The following CDH4 variants were observed in gnomAD, a reference collection of about 807,000 sequenced individuals.
The protein encoded by CDH4 is cadherin 4.
Under a neutral mutation model 86.0 loss-of-function variants are expected in CDH4, and 33 were observed. The observed-to-expected ratio is 0.38, with a 90% confidence interval of 0.29 to 0.51. The LOEUF is 0.51. CDH4 is among the 20% of genes least tolerant of loss of function. The probability of loss-of-function intolerance (pLI) is 0.86; values close to 1 mark genes in which losing one functional copy is unlikely to be tolerated. For synonymous variants in CDH4, 555 were observed against 549.4 expected, an observed-to-expected ratio of 1.01 and a Z score of -0.14; for missense variants, 1,114 against 1,307.4, an observed-to-expected ratio of 0.85 and a Z score of 2.28.
chr20:61,428,656 G>T (rs568727944), intron 2 of CDH4, among the ~76,000 whole-genome samples: 2 of 152,166 alleles, frequency 1.3e-5, no homozygotes, highest in African/African-American at 2.4e-5. Flanking sequence ...GGAAGGTGCC[G>T]GGATGGGCGT....
chr20:61,587,871 A>G (rs1047570455), intron 2 of CDH4, among the ~76,000 whole-genome samples: 5 of 152,170 alleles, frequency 3.3e-5, no homozygotes, highest in Admixed American at 6.5e-5. Context: ...AGTTCAAGCG[A>G]TAATCCCCCA....
intron 2 of CDH4, among the ~76,000 whole-genome samples, chr20:61,649,347 C>T (rs1304072480): frequency 6.6e-6 from 1 of 152,254 alleles, no homozygotes; most frequent in African/African-American, 2.4e-5. Flanking sequence ...GCTCCGCTGC[C>T]TGGGGCCGTG....
intron 2 of CDH4, among the ~76,000 whole-genome samples, chr20:61,362,194 C>T (rs2084787020): frequency 6.6e-6 from 1 of 152,020 alleles, no homozygotes. Flanking sequence ...GGGGGCACAG[C>T]AAGTGCAAAG....
chr20:61,285,556 T>C (rs1002978835), intron 2 of CDH4, among the ~76,000 whole-genome samples: 1 of 152,236 alleles, frequency 6.6e-6, no homozygotes, highest in Non-Finnish European at 1.5e-5. Context: ...GGAGCATTTT[T>C]TGCCGGGCAG....
intron 2 of CDH4, among the ~76,000 whole-genome samples, chr20:61,525,047 T>C (rs1411528072): frequency 6.6e-6 from 1 of 152,164 alleles, no homozygotes; most frequent in African/African-American, 2.4e-5. Flanking sequence ...AAGTCAGAAA[T>C]TATGCGGGGC....
At chr20:61,633,280 C>T (rs543342888) in intron 2 of CDH4, among the ~76,000 whole-genome samples, 2 of 151,482 alleles carry the variant, frequency 1.3e-5, no homozygotes, top group Admixed American at 6.6e-5. Flanking sequence ...TACCCATCCA[C>T]TCATGCATCC....
At chr20:61,461,807 C>G (rs1347283045) in intron 2 of CDH4, among the ~76,000 whole-genome samples, 2 of 152,216 alleles carry the variant, frequency 1.3e-5, no homozygotes, top group Non-Finnish European at 2.9e-5. Flanking sequence ...CACCGTGTCT[C>G]TTTACACTTG....
intron 6 of CDH4, among the ~76,000 whole-genome samples, chr20:61,853,953 A>G (rs1982863972): frequency 6.6e-6 from 1 of 152,186 alleles, no homozygotes; most frequent in Non-Finnish European, 1.5e-5. Flanking sequence ...GTAAATGTGA[A>G]GTTCAGAGAG....
At chr20:61,904,454 C>T (rs1471590084) in intron 8 of CDH4, among the ~76,000 whole-genome samples, 1 of 152,160 alleles carries the variant, frequency 6.6e-6, no homozygotes, top group Non-Finnish European at 1.5e-5. Context: ...AAACACCTGC[C>T]TGGGCTGGAG....
At chr20:61,287,483 G>GA (rs2084299643) in intron 2 of CDH4, among the ~76,000 whole-genome samples, 1 of 152,026 alleles carries the variant, frequency 6.6e-6, no homozygotes, top group African/African-American at 2.4e-5. Flanking sequence ...TCAAGAAGAA[G>GA]AAAAAAGAGT....
intron 7 of CDH4, among the ~76,000 whole-genome samples, chr20:61,890,597 T>G (rs1984779231): frequency 6.7e-6 from 1 of 149,820 alleles, no homozygotes; most frequent in Non-Finnish European, 1.5e-5. Context: ...GATGGGTAAA[T>G]GATGGATGGA....
At chr20:61,734,448 C>T (rs1377424783) in intron 2 of CDH4, among the ~76,000 whole-genome samples, 4 of 152,202 alleles carry the variant, frequency 2.6e-5, no homozygotes, top group African/African-American at 7.2e-5. Context: ...AGAAAAGCAC[C>T]GTGGCAGTGC....
intron 2 of CDH4, among the ~76,000 whole-genome samples, chr20:61,733,532 G>A (rs908857972): frequency 6.6e-5 from 10 of 152,106 alleles, no homozygotes; most frequent in African/African-American, 2.2e-4. Flanking sequence ...CAGTGACTTT[G>A]TTCGTGGGCC....
At chr20:61,486,097 G>T (rs1036123401) in intron 2 of CDH4, among the ~76,000 whole-genome samples, 9 of 152,186 alleles carry the variant, frequency 5.9e-5, no homozygotes, top group Non-Finnish European at 1.2e-4. Context: ...AGACTTCCAG[G>T]ATATCACGAG....
intron 2 of CDH4, among the ~76,000 whole-genome samples, chr20:61,456,073 G>A (rs2085405333): frequency 6.6e-6 from 1 of 152,062 alleles, no homozygotes; most frequent in African/African-American, 2.4e-5. Flanking sequence ...GAGGGATGGA[G>A]AGAAGGAAGG....
intron 2 of CDH4, among the ~76,000 whole-genome samples, chr20:61,428,782 A>G (rs1016368162): frequency 1.2e-4 from 18 of 152,302 alleles, no homozygotes; most frequent in African/African-American, 3.6e-4. Flanking sequence ...TCATATGTAT[A>G]TGTATACTTT....
At chr20:61,773,284 G>A (rs1047480865) in intron 4 of CDH4, 102 bp downstream of exon 4, 1 of 1,171,714 alleles carries the variant, frequency 8.5e-7, no homozygotes, top group South Asian at 1.7e-5. Flanking sequence ...TTTGGTGTCT[G>A]AGAAGGTCGC....
intron 2 of CDH4, among the ~76,000 whole-genome samples, chr20:61,716,157 T>C (rs372303187): frequency 1.3e-5 from 2 of 150,680 alleles, no homozygotes; most frequent in African/African-American, 4.9e-5. Context: ...AAGGGGTAGA[T>C]GCTCCTCACC....
rs1195705725 is a variant in CDH4, at chr20:61,254,948, G to T, written c.169+11G>T. 1 of 1,457,646 alleles carries T rather than the reference G, an allele frequency of 6.9e-7. No individual in the cohort carries two copies. Among genetic ancestry groups the T allele is most frequent in the Non-Finnish European group, 9.6e-7 (1 of 1,037,228 alleles). 90.3% of individuals were successfully genotyped at this position (1,457,646 alleles called of 1,614,324 possible). A position where few individuals can be genotyped will look rare whatever the true frequency, so the allele number is the denominator to read the frequency against. The stretch of plus-strand genomic sequence containing the variant: ...AAAAGCTACTTCAAGGTAAGGCGGG[G>T]TGTGGAGGGGTGGGAGTGAATTGCT... On this transcript the variant is annotated intron_variant, in intron 2 of 15. Transcript: ENST00000614565.
Sources: gnomAD v4.1 joint callset for allele counts (sites outside exome capture counted in the v4.1 genomes callset) on GRCh38, gnomAD v4.1.1 for gene constraint, MANE v1.5 for transcripts, NCBI Gene and HGNC (gene_info 2026-07-23, HGNC 2026-07-21) for gene names.